TDRD9: variants seen among roughly 807,000 people sequenced by gnomAD.
TDRD9 encodes ATP-dependent RNA helicase TDRD9.
In TDRD9, 124 loss-of-function variants were observed where a neutral mutation model predicts 172.6. That is an observed-to-expected ratio of 0.72 (90% confidence interval 0.62 to 0.83). TDRD9 has a LOEUF of 0.83. TDRD9 is among the 40% of genes least tolerant of loss of function. TDRD9 has a pLI of 0.00. For synonymous variants in TDRD9, 619 were observed against 617.1 expected, an observed-to-expected ratio of 1.00 and a Z score of -0.05; for missense variants, 1,479 against 1,714.1, an observed-to-expected ratio of 0.86 and a Z score of 2.42.
chr14:103,991,025 T>C (rs764217672), intron 8 of TDRD9, 135 bp from the exon 9 acceptor site: 58 of 1,020,006 alleles, frequency 5.7e-5, no homozygotes, highest in Non-Finnish European at 7.2e-5. Flanking sequence ...TGTTTTCTTA[T>C]GTAAAATAAG....
chr14:103,955,910 CA>C, intron 2 of TDRD9, 140 bp downstream of exon 2: 1 of 638,306 alleles, frequency 1.6e-6, no homozygotes. Context: ...AGGAATTTAA[CA>C]CTAGCCTGGG....
intron 6 of TDRD9, 37 bp downstream of exon 6, chr14:103,970,658 A>G (rs561661167): frequency 6.3e-5 from 92 of 1,449,004 alleles, no homozygotes; most frequent in Admixed American, 9.9e-5. Context: ...CATATTTAGG[A>G]TTAAGATTCA....
intron 20 of TDRD9, among the ~76,000 whole-genome samples, chr14:104,011,498 C>G (rs979917279): frequency 1.3e-5 from 2 of 152,122 alleles, no homozygotes; most frequent in Admixed American, 6.5e-5. Context: ...AGAACACATT[C>G]AAAAACACCT....
intron 7 of TDRD9, among the ~76,000 whole-genome samples, chr14:103,985,793 C>T (rs1595948607): frequency 5.9e-5 from 9 of 152,104 alleles, no homozygotes; most frequent in Admixed American, 5.2e-4. Context: ...ACTTTTCACA[C>T]GTGAAATCTT....
At chr14:104,032,611 CTT>C (rs1216484213) in intron 30 of TDRD9, among the ~76,000 whole-genome samples, 2 of 152,206 alleles carry the variant, frequency 1.3e-5, no homozygotes, top group Non-Finnish European at 2.9e-5. Flanking sequence ...TTTTGAGTAT[CTT>C]TTATCAAAGA....
At position 104,009,563 on chromosome 14, in the gene TDRD9, G is replaced by A. The variant is rs148575895; in HGVS notation, c.2106+1097G>A. Among the ~76,000 whole-genome samples, 14 of 152,186 alleles carry A rather than the reference G, an allele frequency of 9.2e-5. No individual in the cohort carries two copies. The East Asian group carries it at 2.7e-3, about 29-fold the overall frequency. On this transcript the variant is annotated intron_variant, in intron 20 of 35. Coordinates refer to ENST00000409874, the MANE Select transcript of TDRD9 (RefSeq NM_153046.3). The stretch of plus-strand genomic sequence containing the variant: ...CACATGACTGTAGACTATAAACAGT[G>A]CAGACTTGGGCTACACTAAGTTCAT...
chr14:104,034,130 A>T (rs1018690498), intron 31 of TDRD9, 61 bp downstream of exon 31: 3 of 927,764 alleles, frequency 3.2e-6, no homozygotes, highest in Non-Finnish European at 5.2e-6. Flanking sequence ...GACTTCAGCT[A>T]CTAGGAACAA....
chr14:104,034,150 T>C, intron 31 of TDRD9, 81 bp downstream of exon 31: 1 of 783,284 alleles, frequency 1.3e-6, no homozygotes, highest in Non-Finnish European at 2.2e-6. Context: ...ACTTATCCTA[T>C]AATTGGTGAA....
chr14:103,988,715 A>G (rs2033765195), intron 8 of TDRD9, among the ~76,000 whole-genome samples: 1 of 140,852 alleles, frequency 7.1e-6, no homozygotes, highest in African/African-American at 2.7e-5. Flanking sequence ...TTTTTTTGAG[A>G]CAAGGTCTCA....
At chr14:103,934,009 T>G (rs1471614576) in intron 1 of TDRD9, among the ~76,000 whole-genome samples, 1 of 152,152 alleles carries the variant, frequency 6.6e-6, no homozygotes, top group African/African-American at 2.4e-5. Context: ...GAATTCCTAT[T>G]TTCTGTTCAC....
chr14:103,982,703 C>T lies in TDRD9; in HGVS notation c.1012-3514C>T, dbSNP rs139242625. Among the ~76,000 whole-genome samples, 303 of 152,134 alleles carry T rather than the reference C, an allele frequency of 2.0e-3. 1 individual carries two copies. The highest frequency in any genetic ancestry group is 6.8e-3 in the African/African-American group (283 of 41,526). ...GGCGGATCACCTGAGGTTGGGTGTTCGAGACCAGCCTAACACGGAGAAACC... is the reference window on the plus strand; with the variant it reads ...GGCGGATCACCTGAGGTTGGGTGTTTGAGACCAGCCTAACACGGAGAAACC... On this transcript the variant is annotated intron_variant, in intron 7 of 35. Transcript: ENST00000409874.
At chr14:104,045,327 C>T (rs553801379) in intron 34 of TDRD9, among the ~76,000 whole-genome samples, 85 of 150,216 alleles carry the variant, frequency 5.7e-4, no homozygotes, top group Non-Finnish European at 9.6e-4. Context: ...CATTAATTTT[C>T]GTTTCCTTAA....
chr14:104,020,201 CGGAACTGTGTTTTAT>C (rs904085728), intron 23 of TDRD9, among the ~76,000 whole-genome samples: 4 of 152,022 alleles, frequency 2.6e-5, no homozygotes, highest in Admixed American at 1.3e-4. Context: ...GTGGTCTGTC[CGGAACTGTGTTTTAT>C]GGAACTTACT....
chr14:104,038,457 A>T (rs1006236821), intron 32 of TDRD9, among the ~76,000 whole-genome samples: 4 of 152,148 alleles, frequency 2.6e-5, no homozygotes, highest in African/African-American at 9.7e-5. Flanking sequence ...GTACACAGGG[A>T]TGGCTTGTTG....
intron 30 of TDRD9, 58 bp downstream of exon 30, chr14:104,032,145 C>A: frequency 1.9e-6 from 2 of 1,025,822 alleles, no homozygotes; most frequent in Non-Finnish European, 2.9e-6. Context: ...GTTTATAGAT[C>A]TCATCAGAAA....
In TDRD9 at chr14:103,966,662, CT is replaced by C. The variant is rs770536543; in HGVS notation, c.643-38del. 361 of 1,448,508 alleles carry C rather than the reference CT, an allele frequency of 2.5e-4. 1 individual carries two copies. In the East Asian group the frequency reaches 6.6e-3, roughly 27 times the overall value. 89.7% of individuals were successfully genotyped at this position (1,448,508 alleles called of 1,614,324 possible). On this transcript the variant is annotated intron_variant, in intron 4 of 35. Transcript: ENST00000409874. ...CATTATATTAATAAAATGGACATAA[CT>C]TTTTTTTTCTCTTTTTTCCTTTCCT...
intron 22 of TDRD9, among the ~76,000 whole-genome samples, chr14:104,016,964 T>G (rs1349570887): frequency 2.0e-5 from 3 of 152,184 alleles, no homozygotes; most frequent in Admixed American, 2.0e-4. Context: ...AAGGAGCTGG[T>G]GCTCTGGAGA....
chr14:103,952,775 G>A (rs1024613723), intron 1 of TDRD9, among the ~76,000 whole-genome samples: 2 of 99,044 alleles, frequency 2.0e-5, no homozygotes, highest in Non-Finnish European at 3.7e-5. Context: ...GTCTCACTCT[G>A]TCGCCCAGGC....
chr14:103,992,051 G>A (rs1320701289), intron 9 of TDRD9, among the ~76,000 whole-genome samples: 1 of 152,186 alleles, frequency 6.6e-6, no homozygotes, highest in African/African-American at 2.4e-5. Flanking sequence ...TGCATTGAAA[G>A]CTTATTTAGT....
Sources: gnomAD v4.1 joint callset for allele counts (sites outside exome capture counted in the v4.1 genomes callset) on GRCh38, gnomAD v4.1.1 for gene constraint, MANE v1.5 for transcripts, NCBI Gene and HGNC (gene_info 2026-07-23, HGNC 2026-07-21) for gene names.